Variants in ECHS1 observed in about 807,000 individuals in gnomAD.
ECHS1 encodes enoyl-CoA hydratase, short chain 1, also known as enoyl-CoA hydratase, mitochondrial.
Under a neutral mutation model 33.5 loss-of-function variants are expected in ECHS1, and 19 were observed. That is an observed-to-expected ratio of 0.57 (90% confidence interval 0.40 to 0.83). The LOEUF (loss-of-function observed/expected upper bound fraction) is 0.83. Ranked by LOEUF, ECHS1 falls within the 40% of genes least tolerant of loss-of-function variation. The pLI is 0.00. For synonymous variants in ECHS1, 158 were observed against 146.6 expected (o/e 1.08, Z -0.56); for missense variants, 365 against 381.3 (o/e 0.96, Z 0.36).
At chr10:133,364,919 T>C (rs570805035) in intron 6 of ECHS1, among the ~76,000 whole-genome samples, 194 bp from the exon 7 acceptor site, 1 of 152,264 alleles carries the variant, frequency 6.6e-6, no homozygotes, top group African/African-American at 2.4e-5. Flanking sequence ...CCAACAGCTC[T>C]GCTATGGCCC....
intron 5 of ECHS1, 68 bp downstream of exon 5, chr10:133,366,821 C>T: frequency 7.7e-7 from 1 of 1,291,400 alleles, no homozygotes; most frequent in East Asian, 2.3e-5. Context: ...CTGGATGCCG[C>T]CCTGGGTTTC....
In ECHS1 at chr10:133,362,645, A is replaced by G; in HGVS notation, c.*223T>C. The G allele has an allele frequency of 1.7e-6, 1 of 584,766 alleles. No individual in the cohort carries two copies. Among genetic ancestry groups the G allele is most frequent in the Non-Finnish European group, 3.1e-6 (1 of 327,212 alleles). The allele number at this position is 584,766 out of a possible 1,614,324, so 36.2% of individuals were successfully genotyped here. On this transcript the variant is annotated 3_prime_UTR_variant, in exon 8 of 8. Coordinates refer to ENST00000368547, the MANE Select transcript of ECHS1 (RefSeq NM_004092.4). Reference sequence around the variant, plus strand: ...CCAGAGGGACCAGCGGGGGCTCCTCAGCAGAATCTTAGATTTAGAAGGTGC... The same window carrying G: ...CCAGAGGGACCAGCGGGGGCTCCTCGGCAGAATCTTAGATTTAGAAGGTGC...
At chr10:133,364,787 G>T in intron 6 of ECHS1, 62 bp from the exon 7 acceptor site, 1 of 1,337,646 alleles carries the variant, frequency 7.5e-7, no homozygotes, top group Non-Finnish European at 1.1e-6. Context: ...TTCCTGCACG[G>T]TGACAGGAAG....
intron 4 of ECHS1, among the ~76,000 whole-genome samples, chr10:133,368,318 C>T (rs1849058618): frequency 2.0e-5 from 3 of 152,188 alleles, no homozygotes; most frequent in East Asian, 1.9e-4. Context: ...ATGCACCGAG[C>T]TCACAGCTCC....
Position 133,362,790 on chromosome 10 carries a change from A to G in ECHS1, c.*78T>C. 6 of 1,492,902 alleles carry G rather than the reference A, an allele frequency of 4.0e-6. No individual in the cohort carries two copies. The highest frequency in any genetic ancestry group is 4.7e-6 in the Non-Finnish European group (5 of 1,069,894). The allele number at this position is 1,492,902 out of a possible 1,614,324, so 92.5% of individuals were successfully genotyped here. A position where few individuals can be genotyped will look rare whatever the true frequency, so the allele number is the denominator to read the frequency against. On this transcript the variant is annotated 3_prime_UTR_variant, in exon 8 of 8. Transcript: ENST00000368547. ...CACGGACACTGCTCTTGAAAAGAGGATGATTTACTTGCTTCTAAAACTGAC... is the reference window on the plus strand; with the variant it reads ...CACGGACACTGCTCTTGAAAAGAGGGTGATTTACTTGCTTCTAAAACTGAC...
At chr10:133,363,434 T>G (rs891451627) in intron 7 of ECHS1, among the ~76,000 whole-genome samples, 1 of 152,254 alleles carries the variant, frequency 6.6e-6, no homozygotes, top group Non-Finnish European at 1.5e-5. Flanking sequence ...ATTTTTATTT[T>G]ATAGAACAAT....
At chr10:133,369,460 GCTTACAC>G (rs1849075145) in intron 3 of ECHS1, among the ~76,000 whole-genome samples, 1 of 48,938 alleles carries the variant, frequency 2.0e-5, no homozygotes, top group Non-Finnish European at 5.4e-5. Context: ...CAGACCCCTG[GCTTACAC>G]GGCAGGGAGC....
rs1379206762 is a variant in ECHS1, at chr10:133,370,701, A to G, written c.145T>C (p.Leu49=). The G allele has an allele frequency of 1.2e-6, 2 of 1,613,070 alleles. No homozygotes were observed. Among genetic ancestry groups the G allele is most frequent in the East Asian group, 2.2e-5 (1 of 44,854 alleles). Residue 49 remains leucine, a synonymous_variant, in exon 2 of 8, where the codon TTG becomes CTG. Transcript: ENST00000368547. ...GCCTTGGGGCGGTTCAGTTGGATCA[A>G]CCCCACGGTGTTATTCTTCCCTCTT... ...EKRGKNNTVG[L]IQLNRPKALN...
In ECHS1 at chr10:133,370,724, C is replaced by A; in HGVS notation, c.122G>T (p.Arg41Ile). The change falls in exon 2 of 8, where the codon AGA (arginine) becomes ATA (isoleucine). Residue 41 changes from arginine to isoleucine, a missense_variant. Transcript: ENST00000368547. ...CAACCCCACGGTGTTATTCTTCCCT[C>A]TTTTTTCTGCGATGATGTACTCAAA... The part of the protein sequence containing the change: ...ANFEYIIAEK[R>I]GKNNTVGLIQ... 1 of 1,612,568 alleles carries A rather than the reference C, an allele frequency of 6.2e-7. No homozygotes were observed. The highest frequency in any genetic ancestry group is 8.5e-7 in the Non-Finnish European group (1 of 1,179,518).
intron 7 of ECHS1, among the ~76,000 whole-genome samples, chr10:133,363,436 T>C (rs1848991962): frequency 6.6e-6 from 1 of 152,206 alleles, no homozygotes. Flanking sequence ...TTTTATTTTA[T>C]AGAACAATTA....
chr10:133,364,763 T>C, intron 6 of ECHS1, 38 bp from the exon 7 acceptor site: 1 of 1,551,312 alleles, frequency 6.4e-7, no homozygotes, highest in Non-Finnish European at 8.9e-7. Context: ...ACGGAGATAT[T>C]ACATGCAGAA....
intron 1 of ECHS1, among the ~76,000 whole-genome samples, chr10:133,371,225 T>C (rs1005649700): frequency 2.6e-5 from 4 of 151,756 alleles, no homozygotes; most frequent in South Asian, 2.1e-4. Flanking sequence ...TGCAGTGAGC[T>C]GAGATCATGC....
At chr10:133,363,926 T>TA (rs969755357) in intron 7 of ECHS1, among the ~76,000 whole-genome samples, 1 of 152,038 alleles carries the variant, frequency 6.6e-6, no homozygotes, top group Admixed American at 6.5e-5. Context: ...TGGAATGATC[T>TA]AAAAAAACAT....
At chr10:133,370,286 G>A (rs1382305759) in intron 2 of ECHS1, among the ~76,000 whole-genome samples, 1 of 152,248 alleles carries the variant, frequency 6.6e-6, no homozygotes, top group East Asian at 1.9e-4. Context: ...TATTTGTCAG[G>A]GCATAAGCCC....
chr10:133,365,082 C>T (rs1312980781), intron 6 of ECHS1, among the ~76,000 whole-genome samples: 1 of 152,256 alleles, frequency 6.6e-6, no homozygotes, highest in East Asian at 1.9e-4. Flanking sequence ...CCAGGAAGGA[C>T]AGCACGAGAG....
At position 133,369,128 on chromosome 10, in the gene ECHS1, A is replaced by G. The variant is rs920606531; in HGVS notation, c.415-106T>C. The stretch of plus-strand genomic sequence containing the variant: ...ATTTAAAAGAAACAGTGTTGGGGGT[A>G]TGACAAAGACTAACATGGTGGCACC... On this transcript the variant is annotated intron_variant, in intron 3 of 7. Coordinates refer to ENST00000368547, the MANE Select transcript of ECHS1 (RefSeq NM_004092.4). 3.9e-6 allele frequency: 4 copies of G among 1,022,124 alleles called. No homozygotes were observed. In the African/African-American group the frequency reaches 6.4e-5, roughly 16 times the overall value. 63.3% of individuals were successfully genotyped at this position (1,022,124 alleles called of 1,614,324 possible).
intron 7 of ECHS1, among the ~76,000 whole-genome samples, chr10:133,364,015 G>A (rs997741984): frequency 1.3e-5 from 2 of 151,506 alleles, no homozygotes; most frequent in African/African-American, 2.4e-5. Flanking sequence ...GCGTGATCTC[G>A]GCTCACTGTA....
At position 133,370,557 on chromosome 10, in the gene ECHS1, T is replaced by C. The variant is rs1271085995; in HGVS notation, c.286+3A>G. Reference sequence around the variant, plus strand: ...ACACAAAGGCCTCTGCTGCCGCGCGTACCTGCAAAGGCCTTATCCCCGCCG... The same window carrying C: ...ACACAAAGGCCTCTGCTGCCGCGCGCACCTGCAAAGGCCTTATCCCCGCCG... On this transcript the variant is annotated splice_donor_region_variant and intron_variant, in intron 2 of 7. Coordinates refer to ENST00000368547, the MANE Select transcript of ECHS1 (RefSeq NM_004092.4). 6.4e-7 allele frequency: 1 copy of C among 1,561,358 alleles called. No homozygotes were observed. Among genetic ancestry groups the C allele is most frequent in the African/African-American group, 1.4e-5 (1 of 73,970 alleles).
Position 133,366,097 on chromosome 10 carries a change from T to G in ECHS1, c.620-2A>C, listed in dbSNP as rs936640967. ...CAGGACAAATCTTGCTGACAAGACC[T>G]GAAACACAAGAAAGTCAGTGAGTGA... On this transcript the variant is annotated splice_acceptor_variant, in intron 5 of 7. Coordinates refer to ENST00000368547, the MANE Select transcript of ECHS1 (RefSeq NM_004092.4). LOFTEE classifies it high-confidence loss of function. The G allele has an allele frequency of 6.2e-7, 1 of 1,612,786 alleles. No individual in the cohort carries two copies.
Sources: allele counts gnomAD v4.1 joint callset (sites outside exome capture counted in the v4.1 genomes callset), GRCh38; gene constraint gnomAD v4.1.1; transcripts MANE v1.5; gene names NCBI Gene and HGNC (gene_info 2026-07-23, HGNC 2026-07-21).